USP7: variants seen among roughly 807,000 people sequenced by gnomAD.
USP7 encodes ubiquitin specific peptidase 7, also known as ubiquitin C-terminal hydrolase 7.
Under a neutral mutation model 162.9 loss-of-function variants are expected in USP7, and 9 were observed. The ratio of observed to expected loss-of-function variants is 0.06; its 90% CI spans 0.03 to 0.10. USP7 has a LOEUF of 0.10. USP7 is among the 10% of genes least tolerant of loss of function. USP7 has a pLI of 1.00. For missense variants in USP7, 715 were observed against 1,373.7 expected (o/e 0.52, Z 7.58); for synonymous variants, 562 against 475.9 (o/e 1.18, Z -2.35).
chr16:8,900,086 G>A (rs2141169724), intron 21 of USP7: 1 of 417,610 alleles, frequency 2.4e-6, no homozygotes. Flanking sequence ...GACAGGTGGT[G>A]GAGCCCAGTC....
intron 1 of USP7, among the ~76,000 whole-genome samples, chr16:8,952,487 G>A (rs1422449433): frequency 6.6e-6 from 1 of 152,110 alleles, no homozygotes; most frequent in African/African-American, 2.4e-5. Context: ...GTTCTAGGGG[G>A]AAATGTTTCC....
At chr16:8,946,953 T>A (rs1187895207) in intron 1 of USP7, among the ~76,000 whole-genome samples, 2 of 152,206 alleles carry the variant, frequency 1.3e-5, no homozygotes, top group African/African-American at 2.4e-5. Flanking sequence ...CTGGAAAAAA[T>A]CCACTGAAAG....
At chr16:8,911,863 G>C (rs1018747065) in intron 10 of USP7, among the ~76,000 whole-genome samples, 2 of 152,160 alleles carry the variant, frequency 1.3e-5, no homozygotes, top group African/African-American at 4.8e-5. Context: ...GATGAGGATT[G>C]GGGGGAACAA....
chr16:8,894,819 T>C lies in USP7; in HGVS notation c.3076A>G (p.Ser1026Gly), dbSNP rs751183254. Residue 1026 changes from serine (S) to glycine (G), a missense_variant, in exon 29 of 31, where the codon AGC (serine) becomes GGC (glycine). By Grantham distance (56) the Ser-to-Gly change is moderately conservative. Coordinates refer to ENST00000344836, the MANE Select transcript of USP7 (RefSeq NM_003470.3). ...HFREVMKRIQ[S>G]LLDIQEKEFE... ...TCCTTCTCCTGGATGTCCAGCAGGC[T>C]CTGGATTCGCTTCATCACTTCTCGA... The C allele has an allele frequency of 6.2e-6, 10 of 1,614,080 alleles. No homozygotes were observed. In the South Asian group the frequency reaches 9.9e-5, roughly 16 times the overall value.
chr16:8,899,311 A>C, intron 22 of USP7, 123 bp from the exon 23 acceptor site: 1 of 899,860 alleles, frequency 1.1e-6, no homozygotes, highest in East Asian at 2.6e-5. Flanking sequence ...GAAATTTATT[A>C]AACAGGAATA....
intron 9 of USP7, 25 bp from the exon 10 acceptor site, chr16:8,915,369 G>A (rs2062011961): frequency 1.2e-6 from 2 of 1,612,800 alleles, no homozygotes; most frequent in African/African-American, 1.3e-5. Context: ...AGTAAAAGTG[G>A]TTTAACTAGT....
intron 5 of USP7, among the ~76,000 whole-genome samples, chr16:8,919,686 CA>C (rs1218329768): frequency 6.6e-6 from 1 of 151,666 alleles, no homozygotes; most frequent in Non-Finnish European, 1.5e-5. Context: ...TTCCCACCCC[CA>C]CCCCAAGTAG....
chr16:8,913,225 G>C (rs372636693), intron 10 of USP7, among the ~76,000 whole-genome samples: 1 of 152,146 alleles, frequency 6.6e-6, no homozygotes, highest in Non-Finnish European at 1.5e-5. Context: ...GCATGGTGGC[G>C]CATGCCTCTA....
At chr16:8,910,245 C>A (rs541115983) in intron 11 of USP7, among the ~76,000 whole-genome samples, 1 of 152,144 alleles carries the variant, frequency 6.6e-6, no homozygotes, top group African/African-American at 2.4e-5. Context: ...CGGGGGCTGG[C>A]CACCTGGTCG....
intron 1 of USP7, among the ~76,000 whole-genome samples, chr16:8,950,345 C>T (rs1296004143): frequency 6.6e-6 from 1 of 152,054 alleles, no homozygotes; most frequent in Non-Finnish European, 1.5e-5. Flanking sequence ...CTGATAAACA[C>T]TCAAGATTAA....
intron 12 of USP7, 104 bp from the exon 13 acceptor site, chr16:8,906,686 G>A (rs2061865850): frequency 8.3e-7 from 1 of 1,198,900 alleles, no homozygotes; most frequent in Non-Finnish European, 1.1e-6. Context: ...TCTTTAATAG[G>A]ATAAGCATGA....
chr16:8,900,420 C>A lies in USP7; in HGVS notation c.2309+110G>T. 4 of 748,320 alleles carry A rather than the reference C, an allele frequency of 5.3e-6. No homozygotes were observed. In the South Asian group the frequency reaches 8.2e-5, roughly 15 times the overall value. The allele number at this position is 748,320 out of a possible 1,614,324, so 46.4% of individuals were successfully genotyped here. A position where few individuals can be genotyped will look rare whatever the true frequency, so the allele number is the denominator to read the frequency against. The stretch of plus-strand genomic sequence containing the variant: ...CTCTCAACAGTTACATTAAAAAAAA[C>A]AAAAACAAAAACGTGGCTCGGGATC... On this transcript the variant is annotated intron_variant, in intron 21 of 30. Transcript: ENST00000344836.
intron 14 of USP7, among the ~76,000 whole-genome samples, chr16:8,904,880 G>A (rs1596359740): frequency 1.3e-5 from 2 of 152,306 alleles, no homozygotes; most frequent in East Asian, 1.9e-4. Flanking sequence ...GCTGAGGCAG[G>A]AGAGTGGCGA....
At chr16:8,940,408 C>T (rs1898983632) in intron 1 of USP7, among the ~76,000 whole-genome samples, 1 of 152,236 alleles carries the variant, frequency 6.6e-6, no homozygotes, top group African/African-American at 2.4e-5. Flanking sequence ...TCTTCGGCTT[C>T]TTGAACACAA....
chr16:8,901,820 C>T (rs1488571121), intron 18 of USP7: 6 of 467,066 alleles, frequency 1.3e-5, no homozygotes, highest in Admixed American at 3.9e-5. Flanking sequence ...ATCTGACCAA[C>T]GTGATTAGCA....
chr16:8,946,859 T>C (rs960473981), intron 1 of USP7, among the ~76,000 whole-genome samples: 1 of 152,238 alleles, frequency 6.6e-6, no homozygotes, highest in Non-Finnish European at 1.5e-5. Flanking sequence ...CTTTTTAATA[T>C]AACTGTATAA....
chr16:8,959,692 T>C (rs2141269532), intron 1 of USP7, among the ~76,000 whole-genome samples: 1 of 152,364 alleles, frequency 6.6e-6, no homozygotes, highest in South Asian at 2.1e-4. Flanking sequence ...AATCTTCTAT[T>C]AGTTATAATC....
intron 1 of USP7, among the ~76,000 whole-genome samples, chr16:8,939,737 A>G (rs952759240): frequency 5.3e-5 from 8 of 152,180 alleles, no homozygotes; most frequent in Non-Finnish European, 1.0e-4. Context: ...CACATATACT[A>G]TTCACATTAC....
intron 7 of USP7, 55 bp downstream of exon 7, chr16:8,916,969 TAA>T (rs34357840): frequency 0.018 from 23,101 of 1,274,126 alleles, no homozygotes; most frequent in South Asian, 0.034. Flanking sequence ...TCACTTGTCC[TAA>T]AAAAAAAAAA....
Sources: gnomAD v4.1 joint callset for allele counts (sites outside exome capture counted in the v4.1 genomes callset) on GRCh38, gnomAD v4.1.1 for gene constraint, MANE v1.5 for transcripts, NCBI Gene and HGNC (gene_info 2026-07-23, HGNC 2026-07-21) for gene names.